Variants in TUBD1 observed in about 807,000 individuals in gnomAD.
TUBD1 encodes the protein tubulin delta chain.
In TUBD1, 38 loss-of-function variants were observed where a neutral mutation model predicts 51.2. That is an observed-to-expected ratio of 0.74 (90% CI 0.57 to 0.97). The LOEUF (loss-of-function observed/expected upper bound fraction) is 0.97. Among genes scored for constraint, TUBD1 ranks in the 50% least tolerant of loss-of-function variants. The pLI, the probability that TUBD1 is intolerant of heterozygous loss-of-function variation, is 0.00. For synonymous variants in TUBD1, 169 were observed against 178.2 expected, an observed-to-expected ratio of 0.95 and a Z score of 0.41; for missense variants, 489 against 538.4, an observed-to-expected ratio of 0.91 and a Z score of 0.91.
intron 3 of TUBD1, among the ~76,000 whole-genome samples, chr17:59,884,079 AG>A (rs1373936456): frequency 6.6e-6 from 1 of 150,790 alleles, no homozygotes; most frequent in Non-Finnish European, 1.5e-5. Context: ...TGGCCAACAT[AG>A]GGAAATCCAG....
chr17:59,878,021 AGAG>A (rs982391770), intron 5 of TUBD1, 79 bp downstream of exon 5: 5 of 1,067,526 alleles, frequency 4.7e-6, no homozygotes, highest in East Asian at 4.9e-5. Flanking sequence ...ATCTTCAGGC[AGAG>A]GAGGAGACAG....
In TUBD1 at chr17:59,859,699, GA is replaced by G. The variant is rs1418830989; in HGVS notation, c.*622del. 6.6e-6 allele frequency: 1 copy of G among 152,568 alleles called. No homozygotes were observed. The allele number at this position is 152,568 out of a possible 1,614,324, so 9.5% of individuals were successfully genotyped here. On this transcript the variant is annotated 3_prime_UTR_variant, in exon 9 of 9. Transcript: ENST00000325752. The stretch of plus-strand genomic sequence containing the variant: ...ATTCCTTAGCTTGAAATTATGCTGT[GA>G]AAGTTTGGTTCATGCTTTGTGAGTT...
intron 5 of TUBD1, among the ~76,000 whole-genome samples, chr17:59,875,025 C>G (rs2040160456): frequency 6.7e-6 from 1 of 149,500 alleles, no homozygotes. Flanking sequence ...AACATGAGAA[C>G]TGATATGCTT....
Position 59,860,218 on chromosome 17 carries a change from G to GT in TUBD1, c.*103dup. On this transcript the variant is annotated 3_prime_UTR_variant, in exon 9 of 9. Coordinates refer to ENST00000325752, the MANE Select transcript of TUBD1 (RefSeq NM_016261.4). ...TTTCTGGTAGAGACGGTGTTTCACC[G>GT]TGTTAGCCAGGATGGAGAACTTTGA... 1.2e-6 allele frequency: 1 copy of GT among 848,666 alleles called. No homozygotes were observed. The highest frequency in any genetic ancestry group is 1.8e-6 in the Non-Finnish European group (1 of 542,450). 52.6% of individuals were successfully genotyped at this position (848,666 alleles called of 1,614,324 possible).
chr17:59,873,263 T>G lies in TUBD1; in HGVS notation c.934+1276A>C, dbSNP rs367918823. Among the ~76,000 whole-genome samples, 262 of 141,506 alleles carry G rather than the reference T, an allele frequency of 1.9e-3. 2 individuals are homozygous for G. The highest frequency in any genetic ancestry group is 6.6e-3 in the African/African-American group (250 of 38,052). The allele number at this position is 141,506 out of a possible 152,430, so 92.8% of individuals were successfully genotyped here. On this transcript the variant is annotated intron_variant, in intron 6 of 8. Transcript: ENST00000325752. ...TAAGTTGTTTTTTGTTGTTGTTTTT[T>G]TTTTGAGAAAGGGTCTCACTCTGTC...
intron 7 of TUBD1, among the ~76,000 whole-genome samples, chr17:59,864,645 G>T (rs1210090774): frequency 6.6e-6 from 1 of 151,600 alleles, no homozygotes; most frequent in Non-Finnish European, 1.5e-5. Context: ...GGGACTACAG[G>T]CACACGCCAC....
In TUBD1 at chr17:59,878,275, G is replaced by T; in HGVS notation, c.597C>A (p.Asp199Glu). The T allele has an allele frequency of 6.2e-7, 1 of 1,614,038 alleles. No individual in the cohort carries two copies. The highest frequency in any genetic ancestry group is 8.5e-7 in the Non-Finnish European group (1 of 1,180,002). ...CATCATTCTCATGAAGAAGGAGGGC[G>T]TCTGAAGATCGGTACAAGTGAGAAA... The part of the protein sequence containing the change: ...LTLSHLYRSS[D>E]ALLLHENDAI... The change falls in exon 5 of 9, where the codon GAC becomes GAA. Residue 199 changes from aspartate (D) to glutamate (E), a missense_variant. By Grantham distance (45) the Asp-to-Glu change is conservative. Coordinates refer to ENST00000325752, the MANE Select transcript of TUBD1 (RefSeq NM_016261.4).
chr17:59,865,394 A>G (rs1252175614), intron 7 of TUBD1, among the ~76,000 whole-genome samples: 3 of 152,066 alleles, frequency 2.0e-5, no homozygotes, highest in African/African-American at 7.2e-5. Flanking sequence ...AGCCTGGTCA[A>G]TATGGTCAAA....
chr17:59,874,537 AC>A lies in TUBD1; in HGVS notation c.934+1del. Reference sequence around the variant, plus strand: ...GCTGCATATTTTTGGACTACTCTTTACCTTCTTCCATCTTTGCATTAGAAAT... The same window carrying A: ...GCTGCATATTTTTGGACTACTCTTTACTTCTTCCATCTTTGCATTAGAAAT... On this transcript the variant is annotated splice_donor_variant, in intron 6 of 8. Transcript: ENST00000325752. LOFTEE classifies it high-confidence loss of function. 6.2e-7 allele frequency: 1 copy of A among 1,610,300 alleles called. No individual in the cohort carries two copies. Among genetic ancestry groups the A allele is most frequent in the Non-Finnish European group, 8.5e-7 (1 of 1,179,238 alleles).
rs746914955 is a variant in TUBD1, at chr17:59,880,767, G to A, written c.537+127C>T. 3.2e-4 allele frequency: 263 copies of A among 831,962 alleles called. 1 individual carries two copies. Among genetic ancestry groups the A allele is most frequent in the Non-Finnish European group, 4.7e-4 (244 of 514,848 alleles). 51.5% of individuals were successfully genotyped at this position (831,962 alleles called of 1,614,324 possible). On this transcript the variant is annotated intron_variant, in intron 4 of 8. Transcript: ENST00000325752. ...CTGACCTCACGATCCGCCCGCCTTG[G>A]CCTCCCAAAGTGCTGGGATTACAGG...
At chr17:59,874,727 C>T in intron 5 of TUBD1, 24 bp from the exon 6 acceptor site, 2 of 1,593,090 alleles carry the variant, frequency 1.3e-6, no homozygotes, top group Middle Eastern at 2.1e-4. Context: ...AAAATCTGAA[C>T]TAATTTTTTT....
At chr17:59,871,957 A>G (rs2039999584) in intron 6 of TUBD1, among the ~76,000 whole-genome samples, 2 of 141,530 alleles carry the variant, frequency 1.4e-5, no homozygotes, top group Admixed American at 1.4e-4. Context: ...CACTATGCCC[A>G]GCATTTTTTT....
chr17:59,889,994 CAG>C (rs1202178278), intron 2 of TUBD1, among the ~76,000 whole-genome samples: 2 of 145,904 alleles, frequency 1.4e-5, no homozygotes, highest in Non-Finnish European at 3.0e-5. Context: ...AAAAGAGAGA[CAG>C]AGAAAAGAAA....
chr17:59,865,372 C>A (rs2039649058), intron 7 of TUBD1, among the ~76,000 whole-genome samples: 1 of 150,886 alleles, frequency 6.6e-6, no homozygotes, highest in African/African-American at 2.4e-5. Flanking sequence ...GCCTGGTCTG[C>A]AGTTTGAGAC....
At chr17:59,889,561 C>A (rs1042174816) in intron 2 of TUBD1, among the ~76,000 whole-genome samples, 5 of 148,766 alleles carry the variant, frequency 3.4e-5, no homozygotes, top group African/African-American at 1.2e-4. Context: ...CCCAGCTACT[C>A]ATGAGGCTGA....
intron 2 of TUBD1, among the ~76,000 whole-genome samples, chr17:59,889,660 C>A: frequency 8.1e-6 from 1 of 123,644 alleles, no homozygotes. Context: ...CAGAGCTAGA[C>A]TCTGTCTCAA....
chr17:59,883,494 C>G (rs899088755), intron 3 of TUBD1, among the ~76,000 whole-genome samples: 3 of 152,138 alleles, frequency 2.0e-5, no homozygotes, highest in Admixed American at 6.6e-5. Flanking sequence ...TCTCAAACTC[C>G]TTTCCTCAGA....
At chr17:59,864,318 G>A (rs2039601758) in intron 7 of TUBD1, among the ~76,000 whole-genome samples, 1 of 148,628 alleles carries the variant, frequency 6.7e-6, no homozygotes, top group African/African-American at 2.5e-5. Flanking sequence ...CCTAATTGTT[G>A]TATTTTTTGT....
chr17:59,890,771 C>A (rs1320510789), intron 2 of TUBD1, 60 bp downstream of exon 2: 1 of 1,387,678 alleles, frequency 7.2e-7, no homozygotes, highest in Non-Finnish European at 9.6e-7. Flanking sequence ...ATGTGGAAGG[C>A]CTGGCTTTGA....
Sources: allele counts gnomAD v4.1 joint callset (sites outside exome capture counted in the v4.1 genomes callset), GRCh38; gene constraint gnomAD v4.1.1; transcripts MANE v1.5; gene names NCBI Gene and HGNC (gene_info 2026-07-23, HGNC 2026-07-21).